PYROXD1: variants seen among roughly 807,000 people sequenced by gnomAD.
PYROXD1 encodes pyridine nucleotide-disulphide oxidoreductase domain 1.
Under a neutral mutation model 62.0 loss-of-function variants are expected in PYROXD1, and 42 were observed. The ratio of observed to expected loss-of-function variants is 0.68; its 90% CI spans 0.53 to 0.88. The LOEUF is 0.88. Ranked by LOEUF, PYROXD1 falls within the 40% of genes least tolerant of loss-of-function variation. The probability of loss-of-function intolerance (pLI) is 0.00; values close to 1 mark genes in which losing one functional copy is unlikely to be tolerated. For synonymous variants in PYROXD1, 170 were observed against 206.4 expected (o/e 0.82, Z 1.51); for missense variants, 493 against 604.8 (o/e 0.82, Z 1.94).
chr12:21,461,951 G>C, intron 8 of PYROXD1, 57 bp from the exon 9 acceptor site: 1 of 1,013,290 alleles, frequency 9.9e-7, no homozygotes, highest in South Asian at 1.3e-5. Flanking sequence ...ATACACTGCT[G>C]TGGTGATGGT....
At chr12:21,449,997 A>G (rs1338254484) in intron 4 of PYROXD1, among the ~76,000 whole-genome samples, 6 of 148,412 alleles carry the variant, frequency 4.0e-5, no homozygotes, top group Admixed American at 2.7e-4. Flanking sequence ...AGCTGGGACT[A>G]CAGGTGCCTG....
In PYROXD1 at chr12:21,456,068, A is replaced by C. The variant is rs368350316; in HGVS notation, c.723A>C (p.Glu241Asp). The change falls in exon 7 of 12, where the codon GAA becomes GAC. Residue 241 changes from glutamate to aspartate, a missense_variant. By Grantham distance (45) the Glu-to-Asp change is conservative (BLOSUM62 2). This residue lies in a region of PYROXD1 where 329 missense variants were observed against 446.6 expected (regional missense o/e 0.74). Coordinates refer to ENST00000240651, the MANE Select transcript of PYROXD1 (RefSeq NM_024854.5). ...GTGCATTGGGACCAGATTGGCATGAAGGCTTGAATCTTAAAGGAACAAAAG... is the reference window on the plus strand; with the variant it reads ...GTGCATTGGGACCAGATTGGCATGACGGCTTGAATCTTAAAGGAACAAAAG... ...VGSALGPDWHEGLNLKGTKEF... is the reference protein window; with the variant it reads ...VGSALGPDWHDGLNLKGTKEF... 34 of 1,609,390 alleles carry C rather than the reference A, an allele frequency of 2.1e-5. No homozygotes were observed. In the East Asian group the frequency reaches 2.5e-4, roughly 12 times the overall value.
chr12:21,455,374 AAAAT>A (rs1942577011), intron 6 of PYROXD1, 82 bp downstream of exon 6: 2 of 859,694 alleles, frequency 2.3e-6, no homozygotes, highest in East Asian at 3.2e-5. Flanking sequence ...AAAATTTAAT[AAAAT>A]AAATTTTGGA....
chr12:21,439,872 T>C lies in PYROXD1; in HGVS notation c.85-496T>C, dbSNP rs1942261920. Among the ~76,000 whole-genome samples the C allele has an allele frequency of 2.0e-5, 3 of 152,246 alleles. No individual in the cohort carries two copies. In the South Asian group the frequency reaches 6.2e-4, roughly 31 times the overall value. On this transcript the variant is annotated intron_variant, in intron 1 of 11. Transcript: ENST00000240651. ...GGCTTTATCGTCCCACAATATGTAC[T>C]GACTGGAAGAGGCAGAATAGGAGTG...
chr12:21,466,099 G>T (rs1402521844), intron 10 of PYROXD1, among the ~76,000 whole-genome samples: 4 of 150,972 alleles, frequency 2.6e-5, no homozygotes, highest in Admixed American at 2.0e-4. Context: ...GTCAGGTAGC[G>T]TGATGCCTCC....
rs558963250 is a variant in PYROXD1 at position 21,455,858 on chromosome 12, A to G, written c.650-137A>G. On this transcript the variant is annotated intron_variant, in intron 6 of 11. Transcript: ENST00000240651. The stretch of plus-strand genomic sequence containing the variant: ...AAAATATTAATGACTAAAATGATTA[A>G]TATAGATAACATAGGTTAGTCATGC... The G allele has an allele frequency of 1.5e-5, 9 of 606,398 alleles. No individual in the cohort carries two copies. The Admixed American group carries it at 1.6e-4, about 11-fold the overall frequency. The allele number at this position is 606,398 out of a possible 1,614,324, so 37.6% of individuals were successfully genotyped here. A position where few individuals can be genotyped will look rare whatever the true frequency, so the allele number is the denominator to read the frequency against.
rs71539405 is a variant in PYROXD1 at position 21,452,182 on chromosome 12, C to CAT, written c.488+29_488+30dup. 0.063 allele frequency: 81,884 copies of CAT among 1,306,162 alleles called. 3,042 individuals are homozygous for CAT. The highest frequency in any genetic ancestry group is 0.15 in the Middle Eastern group (576 of 3,906). 80.9% of individuals were successfully genotyped at this position (1,306,162 alleles called of 1,614,324 possible). ...AAGTATATATTTTTAAATATGATAA[C>CAT]ATTTAAATTGTTTAAAAATAATTTG... On this transcript the variant is annotated intron_variant, in intron 5 of 11. Coordinates refer to ENST00000240651, the MANE Select transcript of PYROXD1 (RefSeq NM_024854.5).
chr12:21,467,914 TTG>T (rs1942832531), intron 11 of PYROXD1, among the ~76,000 whole-genome samples: 1 of 151,948 alleles, frequency 6.6e-6, no homozygotes, highest in Non-Finnish European at 1.5e-5. Context: ...CATCCTTTCT[TTG>T]TGAGGGGAAC....
At chr12:21,455,890 G>A (rs1942586629) in intron 6 of PYROXD1, 105 bp from the exon 7 acceptor site, 4 of 678,092 alleles carry the variant, frequency 5.9e-6, no homozygotes, top group Admixed American at 2.8e-5. Context: ...ATGCTGTAAT[G>A]TATGTATATA....
chr12:21,456,060 T>C lies in PYROXD1; in HGVS notation c.715T>C (p.Trp239Arg), dbSNP rs751241172. 6.2e-7 allele frequency: 1 copy of C among 1,610,996 alleles called. No individual in the cohort carries two copies. Among genetic ancestry groups the C allele is most frequent in the Non-Finnish European group, 8.5e-7 (1 of 1,178,258 alleles). The change falls in exon 7 of 12, where the codon TGG becomes CGG. Residue 239 changes from tryptophan (W) to arginine (R), a missense_variant. This residue lies in a region of PYROXD1 where 329 missense variants were observed against 446.6 expected (regional missense o/e 0.74). Transcript: ENST00000240651. ...TGTAGGAAGTGCATTGGGACCAGATTGGCATGAAGGCTTGAATCTTAAAGG... is the reference window on the plus strand; with the variant it reads ...TGTAGGAAGTGCATTGGGACCAGATCGGCATGAAGGCTTGAATCTTAAAGG... Reference protein sequence around the residue: ...DNVGSALGPDWHEGLNLKGTK... With the variant: ...DNVGSALGPDRHEGLNLKGTK...
intron 10 of PYROXD1, among the ~76,000 whole-genome samples, chr12:21,464,539 T>C (rs894638870): frequency 1.2e-4 from 18 of 152,160 alleles, no homozygotes; most frequent in East Asian, 3.9e-4. Context: ...TAAGTACATA[T>C]GCACATACAG....
chr12:21,438,742 T>C (rs2137234590), intron 1 of PYROXD1, among the ~76,000 whole-genome samples: 1 of 152,328 alleles, frequency 6.6e-6, no homozygotes, highest in South Asian at 2.1e-4. Flanking sequence ...ACATGAGCAA[T>C]CACTGAAGTC....
At chr12:21,465,684 G>A (rs1942780090) in intron 10 of PYROXD1, among the ~76,000 whole-genome samples, 2 of 152,012 alleles carry the variant, frequency 1.3e-5, no homozygotes, top group African/African-American at 4.8e-5. Context: ...GATCCCATTT[G>A]TTAATTTTGA....
chr12:21,468,389 G>T, intron 11 of PYROXD1, 117 bp from the exon 12 acceptor site: 1 of 901,722 alleles, frequency 1.1e-6, no homozygotes, highest in Non-Finnish European at 1.7e-6. Context: ...AACATTTTTA[G>T]TTATGAAATT....
intron 7 of PYROXD1, among the ~76,000 whole-genome samples, chr12:21,457,568 T>C (rs1942621233): frequency 6.6e-6 from 1 of 152,012 alleles, no homozygotes; most frequent in Non-Finnish European, 1.5e-5. Context: ...GTAATATTTA[T>C]AAAGAAAAGA....
chr12:21,438,515 A>C (rs899012898), intron 1 of PYROXD1: 2 of 152,200 alleles, frequency 1.3e-5, no homozygotes, highest in African/African-American at 4.8e-5. Flanking sequence ...GTGCATCTTA[A>C]CTAATTAATA....
In PYROXD1 at chr12:21,467,685, A is replaced by AC; in HGVS notation, c.1254+67_1254+68insC. The AC allele has an allele frequency of 2.4e-6, 3 of 1,235,334 alleles. No individual in the cohort carries two copies. In the South Asian group the frequency reaches 4.5e-5, roughly 19 times the overall value. The allele number at this position is 1,235,334 out of a possible 1,614,324, so 76.5% of individuals were successfully genotyped here. A position where few individuals can be genotyped will look rare whatever the true frequency, so the allele number is the denominator to read the frequency against. The stretch of plus-strand genomic sequence containing the variant: ...TCTTATGACTATGATAAATCATGTG[A>AC]TTTTCTTGCTTGAATAAAAACGTAC... On this transcript the variant is annotated intron_variant, in intron 11 of 11. Coordinates refer to ENST00000240651, the MANE Select transcript of PYROXD1 (RefSeq NM_024854.5).
At chr12:21,467,392 G>C in intron 10 of PYROXD1, 89 bp from the exon 11 acceptor site, 1 of 1,205,044 alleles carries the variant, frequency 8.3e-7, no homozygotes, top group East Asian at 2.6e-5. Context: ...GTCAAACATT[G>C]AACTCCTTTA....
intron 10 of PYROXD1, among the ~76,000 whole-genome samples, chr12:21,464,205 A>G (rs909201711): frequency 6.8e-6 from 1 of 147,296 alleles, no homozygotes; most frequent in Non-Finnish European, 1.5e-5. Flanking sequence ...AATCTGAAAG[A>G]GGGGAAAAAA....
Sources: allele counts gnomAD v4.1 joint callset (sites outside exome capture counted in the v4.1 genomes callset), GRCh38; gene constraint gnomAD v4.1.1; regional missense constraint gnomAD v4.1.1; transcripts MANE v1.5; gene names NCBI Gene and HGNC (gene_info 2026-07-23, HGNC 2026-07-21).